Variants in RNF121 observed in about 807,000 individuals in gnomAD.
RNF121 encodes the protein E3 ubiquitin ligase RNF121.
Under a neutral mutation model 46.5 loss-of-function variants are expected in RNF121, and 21 were observed. That is an observed-to-expected ratio of 0.45 (90% CI 0.32 to 0.65). The LOEUF (loss-of-function observed/expected upper bound fraction) is 0.65, where lower values mean the gene tolerates loss of function less well. Among genes scored for constraint, RNF121 ranks in the 30% least tolerant of loss-of-function variants. The pLI is 0.04. For missense variants in RNF121, 346 were observed against 416.0 expected (o/e 0.83, Z 1.46); for synonymous variants, 139 against 144.7 (o/e 0.96, Z 0.28).
At chr11:71,958,576 C>G (rs1954048835) in intron 2 of RNF121, among the ~76,000 whole-genome samples, 1 of 151,796 alleles carries the variant, frequency 6.6e-6, no homozygotes, top group Admixed American at 6.6e-5. Context: ...AATATTAGTA[C>G]CTGCCCAGGT....
intron 1 of RNF121, among the ~76,000 whole-genome samples, chr11:71,944,624 G>C (rs1285055145): frequency 1.3e-5 from 2 of 152,192 alleles, no homozygotes; most frequent in Non-Finnish European, 2.9e-5. Context: ...AGAGCTCACT[G>C]TCCGTGCTCC....
chr11:71,963,877 C>T (rs1954204467), intron 3 of RNF121, among the ~76,000 whole-genome samples: 1 of 152,204 alleles, frequency 6.6e-6, no homozygotes, highest in South Asian at 2.1e-4. Flanking sequence ...ATCTATATGT[C>T]TGTTCTTTTG....
At chr11:71,967,493 G>A (rs1954312353) in intron 3 of RNF121, among the ~76,000 whole-genome samples, 1 of 151,470 alleles carries the variant, frequency 6.6e-6, no homozygotes, top group Non-Finnish European at 1.5e-5. Flanking sequence ...GGGACTACAG[G>A]TTCATGCCAC....
Position 71,957,270 on chromosome 11 carries a change from T to C in RNF121, c.101+6T>C. The C allele has an allele frequency of 6.3e-7, 1 of 1,587,626 alleles. No homozygotes were observed. The highest frequency in any genetic ancestry group is 8.6e-7 in the Non-Finnish European group (1 of 1,156,070). ...TCTCCAGAAGAGCAATGGAGGTAAG[T>C]GTGGTAGTTCGGGCCCTGCAGTCTA... On this transcript the variant is annotated splice_donor_region_variant and intron_variant, in intron 2 of 8. Coordinates refer to ENST00000361756, the MANE Select transcript of RNF121 (RefSeq NM_018320.5).
intron 3 of RNF121, among the ~76,000 whole-genome samples, chr11:71,968,858 C>T (rs1271979455): frequency 6.6e-6 from 1 of 150,908 alleles, no homozygotes; most frequent in Non-Finnish European, 1.5e-5. Context: ...TTTGGTACAT[C>T]CTCCTAGGAT....
chr11:71,959,359 C>T (rs529163147), intron 2 of RNF121, among the ~76,000 whole-genome samples: 347 of 152,276 alleles, frequency 2.3e-3, no homozygotes, highest in Middle Eastern at 6.8e-3. Context: ...CACCTGGGTT[C>T]TACACTTTTT....
intron 1 of RNF121, among the ~76,000 whole-genome samples, chr11:71,953,845 TAGTG>T (rs1953933889): frequency 6.6e-6 from 1 of 152,210 alleles, no homozygotes; most frequent in Non-Finnish European, 1.5e-5. Context: ...GGGGATACGT[TAGTG>T]AGTCCCTGAG....
At chr11:71,995,775 G>A (rs1388825522) in intron 8 of RNF121, among the ~76,000 whole-genome samples, 2 of 152,178 alleles carry the variant, frequency 1.3e-5, no homozygotes, top group South Asian at 2.1e-4. Context: ...CCATTGTCAC[G>A]GATAGATAGA....
At chr11:71,962,722 GA>G (rs1284108585) in intron 3 of RNF121, among the ~76,000 whole-genome samples, 1 of 152,162 alleles carries the variant, frequency 6.6e-6, no homozygotes, top group African/African-American at 2.4e-5. Context: ...CCTAGGAGTG[GA>G]ATTGCTGAGT....
chr11:71,975,614 T>G (rs1210305128), intron 3 of RNF121, among the ~76,000 whole-genome samples: 2 of 152,256 alleles, frequency 1.3e-5, no homozygotes, highest in East Asian at 3.8e-4. Flanking sequence ...TCAGTAGACT[T>G]GTGTTCTTCA....
At chr11:71,964,252 G>A (rs77996546) in intron 3 of RNF121, among the ~76,000 whole-genome samples, 4,936 of 151,984 alleles carry the variant, frequency 0.032, 76 homozygotes, top group East Asian at 0.078. Context: ...TCCTAAGTAT[G>A]TTATTCTTTT....
At chr11:71,987,896 C>T (rs959050201) in intron 5 of RNF121, among the ~76,000 whole-genome samples, 10 of 152,186 alleles carry the variant, frequency 6.6e-5, no homozygotes, top group African/African-American at 9.7e-5. Context: ...GTGGAAGCCA[C>T]CTGGCCTAGG....
chr11:71,959,419 T>C (rs534801338), intron 2 of RNF121, among the ~76,000 whole-genome samples: 16 of 152,368 alleles, frequency 1.1e-4, no homozygotes, highest in Middle Eastern at 6.8e-3. Context: ...TTATTTTTGC[T>C]GTTAATGTTT....
intron 1 of RNF121, among the ~76,000 whole-genome samples, chr11:71,953,593 G>A (rs888000882): frequency 6.6e-6 from 1 of 152,154 alleles, no homozygotes; most frequent in East Asian, 1.9e-4. Flanking sequence ...AGCTCTCAGG[G>A]TACTCTTGGT....
intron 2 of RNF121, among the ~76,000 whole-genome samples, chr11:71,960,379 G>C (rs1402151794): frequency 6.6e-6 from 1 of 152,150 alleles, no homozygotes; most frequent in Non-Finnish European, 1.5e-5. Flanking sequence ...AACCTCTTTG[G>C]GTTACTTTCT....
chr11:71,987,033 A>G lies in RNF121; in HGVS notation c.428A>G (p.Tyr143Cys), dbSNP rs1954785113. 1.2e-6 allele frequency: 2 copies of G among 1,613,642 alleles called. No homozygotes were observed. The highest frequency in any genetic ancestry group is 1.7e-6 in the Non-Finnish European group (2 of 1,179,588). The part of the protein sequence containing the change: ...RLVYKWFLLI[Y>C]KISYATGIVG... ...GTTTATAAGTGGTTCCTGCTAATCT[A>G]TAAAATCAGCTATGCCACTGGCATT... The change falls in exon 5 of 9, where the codon TAT (tyrosine) becomes TGT (cysteine). Residue 143 changes from tyrosine (Y) to cysteine (C), a missense_variant. Tyr to Cys is a radical substitution (Grantham distance 194). Transcript: ENST00000361756.
intron 1 of RNF121, among the ~76,000 whole-genome samples, chr11:71,930,494 C>A (rs1219621068): frequency 1.3e-5 from 2 of 151,590 alleles, no homozygotes; most frequent in African/African-American, 2.4e-5. Context: ...GTGATCACAG[C>A]AGGGGGATTT....
chr11:71,981,430 G>GT (rs938270469), intron 3 of RNF121, among the ~76,000 whole-genome samples: 1 of 152,170 alleles, frequency 6.6e-6, no homozygotes, highest in Admixed American at 6.5e-5. Context: ...TTTTGTTGTT[G>GT]TTTTTTTTAA....
chr11:71,963,812 T>G (rs953957492), intron 3 of RNF121, among the ~76,000 whole-genome samples: 19 of 152,196 alleles, frequency 1.2e-4, no homozygotes, highest in African/African-American at 4.3e-4. Context: ...TTGTCAGAAA[T>G]CAATTGATCA....
Sources: allele counts gnomAD v4.1 joint callset (sites outside exome capture counted in the v4.1 genomes callset), GRCh38; gene constraint gnomAD v4.1.1; transcripts MANE v1.5; gene names NCBI Gene and HGNC (gene_info 2026-07-23, HGNC 2026-07-21).